The following PLCL1 variants were observed in gnomAD, a reference collection of about 807,000 sequenced individuals.
PLCL1 encodes inactive phospholipase C-like protein 1.
PLCL1 carries 41 observed loss-of-function variants against 84.4 expected under a neutral mutation model. The ratio of observed to expected loss-of-function variants is 0.49; its 90% confidence interval spans 0.38 to 0.63. The LOEUF (loss-of-function observed/expected upper bound fraction) is 0.63, where lower values mean the gene tolerates loss of function less well. Ranked by LOEUF, PLCL1 falls within the 30% of genes least tolerant of loss-of-function variation. The pLI, the probability that PLCL1 is intolerant of heterozygous loss-of-function variation, is 0.00. For missense variants in PLCL1, 1,206 were observed against 1,367.8 expected (o/e 0.88, Z 1.87); for synonymous variants, 490 against 488.3 (o/e 1.00, Z -0.05).
intron 5 of PLCL1, among the ~76,000 whole-genome samples, chr2:198,106,476 G>A (rs913508400): frequency 2.0e-5 from 3 of 151,874 alleles, no homozygotes; most frequent in South Asian, 2.1e-4. Context: ...TTAAGGAGCA[G>A]GGATGACCTA....
intron 1 of PLCL1, among the ~76,000 whole-genome samples, chr2:197,919,533 T>C (rs952696266): frequency 1.3e-5 from 2 of 152,234 alleles, no homozygotes; most frequent in Admixed American, 1.3e-4. Flanking sequence ...ACTTCCTTTA[T>C]AGTTGTCATT....
intron 1 of PLCL1, among the ~76,000 whole-genome samples, chr2:198,040,021 T>C (rs1209310117): frequency 6.6e-6 from 1 of 152,182 alleles, no homozygotes; most frequent in Non-Finnish European, 1.5e-5. Context: ...ATAGATCAGA[T>C]TTGGACATTT....
intron 5 of PLCL1, among the ~76,000 whole-genome samples, chr2:198,129,769 T>A (rs1424149600): frequency 1.3e-5 from 2 of 152,108 alleles, no homozygotes; most frequent in African/African-American, 4.8e-5. Context: ...GCCTACATAG[T>A]CAAACTTCTT....
intron 1 of PLCL1, among the ~76,000 whole-genome samples, chr2:197,890,571 T>A (rs960913491): frequency 1.3e-5 from 2 of 151,648 alleles, no homozygotes; most frequent in African/African-American, 4.8e-5. Flanking sequence ...AAGAAGAGAA[T>A]AAATGTTATT....
At position 197,938,480 on chromosome 2, in the gene PLCL1, A is replaced by G. The variant is rs79792037; in HGVS notation, c.240+133141A>G. Among the ~76,000 whole-genome samples the G allele has an allele frequency of 4.2e-3, 647 of 152,342 alleles. 45 individuals carry two copies. In the East Asian group the frequency reaches 0.11, roughly 25 times the overall value. On this transcript the variant is annotated intron_variant, in intron 1 of 5. Transcript: ENST00000428675. ...ATTCTCTAAATAGAGTGTTTCAGAC[A>G]AGATAGACATTTAATTATCCCTCAA...
chr2:197,995,970 T>A (rs1690454421), intron 1 of PLCL1, among the ~76,000 whole-genome samples: 1 of 152,180 alleles, frequency 6.6e-6, no homozygotes, highest in South Asian at 2.1e-4. Flanking sequence ...GAGAAACAAG[T>A]GCCTCTGCAA....
intron 1 of PLCL1, among the ~76,000 whole-genome samples, chr2:198,013,502 T>G (rs909433551): frequency 6.6e-6 from 1 of 152,126 alleles, no homozygotes; most frequent in Non-Finnish European, 1.5e-5. Flanking sequence ...TCCAAGACTC[T>G]GTGTCTATGT....
At chr2:197,818,228 T>A (rs571085502) in intron 1 of PLCL1, among the ~76,000 whole-genome samples, 16 of 152,220 alleles carry the variant, frequency 1.1e-4, no homozygotes, top group South Asian at 8.3e-4. Flanking sequence ...TAGTTGTGAG[T>A]GCTGGAATTA....
intron 1 of PLCL1, among the ~76,000 whole-genome samples, chr2:198,034,804 T>A (rs1244945370): frequency 6.6e-6 from 1 of 152,256 alleles, no homozygotes; most frequent in Non-Finnish European, 1.5e-5. Context: ...TGTTGTGCTG[T>A]CATTTTTAAA....
At chr2:197,920,441 A>AT (rs1688680623) in intron 1 of PLCL1, among the ~76,000 whole-genome samples, 1 of 151,952 alleles carries the variant, frequency 6.6e-6, no homozygotes. Context: ...AATTATTACT[A>AT]TTTTTCTAGC....
rs370610240 is a variant in PLCL1, at chr2:198,085,214, G to A, written c.1697G>A (p.Arg566Gln). 1.9e-6 allele frequency: 3 copies of A among 1,613,912 alleles called. No individual in the cohort carries two copies. The highest frequency in any genetic ancestry group is 2.5e-6 in the Non-Finnish European group (3 of 1,179,930). Residue 566 changes from arginine (R) to glutamine (Q), a missense_variant, in exon 2 of 6, where the codon CGA (arginine) becomes CAA (glutamine). Arg to Gln is a conservative substitution (Grantham distance 43). Coordinates refer to ENST00000428675, the MANE Select transcript of PLCL1 (RefSeq NM_006226.4). This position sits in a 1 kb window ranked among gnomAD's most constrained non-coding sequence, Gnocchi z 5.3. Reference protein sequence around the residue: ...TDEDEEAEMSRRMSVDYNGEQ... With the variant: ...TDEDEEAEMSQRMSVDYNGEQ... ...GAAGATGAAGAAGCTGAAATGTCTC[G>A]AAGGATGTCGGTAGATTACAATGGT...
chr2:197,922,030 T>A (rs1688710343), intron 1 of PLCL1, among the ~76,000 whole-genome samples: 1 of 144,200 alleles, frequency 6.9e-6, no homozygotes, highest in East Asian at 2.0e-4. Flanking sequence ...ATTTATTTTT[T>A]TATTGATAAT....
chr2:198,083,236 A>T (rs1317458146), intron 1 of PLCL1, among the ~76,000 whole-genome samples: 2 of 152,210 alleles, frequency 1.3e-5, no homozygotes, highest in Non-Finnish European at 2.9e-5. Flanking sequence ...TTGACTTTCA[A>T]GACACCTTGA....
chr2:197,899,635 C>T (rs1418186995), intron 1 of PLCL1, among the ~76,000 whole-genome samples: 7 of 139,178 alleles, frequency 5.0e-5, no homozygotes, highest in East Asian at 2.1e-4. Context: ...TGAGTTCTTT[C>T]TTTCTTTTTT....
intron 1 of PLCL1, among the ~76,000 whole-genome samples, chr2:198,049,256 G>T (rs1442039473): frequency 6.6e-6 from 1 of 152,200 alleles, no homozygotes; most frequent in Non-Finnish European, 1.5e-5. Context: ...AACATCAAGT[G>T]ACTAAAATGC....
intron 1 of PLCL1, among the ~76,000 whole-genome samples, chr2:197,829,232 C>T (rs1691001328): frequency 6.6e-6 from 1 of 152,128 alleles, no homozygotes. Flanking sequence ...AGTAAAGAAA[C>T]AGATTTTTCT....
chr2:197,894,826 C>G (rs1322052471), intron 1 of PLCL1, among the ~76,000 whole-genome samples: 1 of 151,834 alleles, frequency 6.6e-6, no homozygotes, highest in Non-Finnish European at 1.5e-5. Context: ...TGCTATAATC[C>G]TGGGTCACCT....
At chr2:197,898,172 C>T (rs56963842) in intron 1 of PLCL1, among the ~76,000 whole-genome samples, 3,241 of 152,162 alleles carry the variant, frequency 0.021, 114 homozygotes, top group African/African-American at 0.075. Context: ...GGCTGGATGT[C>T]CTGATCTGAA....
At chr2:198,128,418 A>G (rs569558435) in intron 5 of PLCL1, among the ~76,000 whole-genome samples, 1 of 152,108 alleles carries the variant, frequency 6.6e-6, no homozygotes, top group Non-Finnish European at 1.5e-5. Flanking sequence ...AGAGTTTTTA[A>G]AGACAATTTG....
Sources: allele counts gnomAD v4.1 joint callset (sites outside exome capture counted in the v4.1 genomes callset), GRCh38; gene constraint gnomAD v4.1.1; non-coding constraint Gnocchi (gnomAD v3.1); transcripts MANE v1.5; gene names NCBI Gene and HGNC (gene_info 2026-07-23, HGNC 2026-07-21).